KLF12: variants seen among roughly 807,000 people sequenced by gnomAD.
The protein encoded by KLF12 is Krueppel-like factor 12.
Under a neutral mutation model 37.8 loss-of-function variants are expected in KLF12, and 9 were observed. That is an observed-to-expected ratio of 0.24 (90% confidence interval 0.14 to 0.42). KLF12 has a LOEUF of 0.42. KLF12 is among the 10% of genes least tolerant of loss of function. The pLI, the probability that KLF12 is intolerant of heterozygous loss-of-function variation, is 1.00. For missense variants in KLF12, 411 were observed against 516.0 expected, an observed-to-expected ratio of 0.80 and a Z score of 1.97; for synonymous variants, 208 against 202.1, an observed-to-expected ratio of 1.03 and a Z score of -0.25.
the KLF12 span, among the ~76,000 whole-genome samples, chr13:74,247,046 G>A: frequency 6.6e-6 from 1 of 152,116 alleles, no homozygotes; most frequent in Non-Finnish European, 1.5e-5. Context: ...CTGTGAAAAC[G>A]ATCTTATTGT....
intron 3 of KLF12, among the ~76,000 whole-genome samples, chr13:73,934,951 T>TTATA (rs1442578157): frequency 2.7e-4 from 2 of 7,296 alleles, no homozygotes; most frequent in African/African-American, 4.8e-4. Flanking sequence ...TAGGTTTTTA[T>TTATA]TATTTATTTA....
chr13:74,228,011 C>A, the KLF12 span, among the ~76,000 whole-genome samples: 1 of 152,046 alleles, frequency 6.6e-6, no homozygotes, highest in Non-Finnish European at 1.5e-5. Flanking sequence ...ACTTGAAATG[C>A]CTTTTTCTTG....
At chr13:74,267,744 A>G in the KLF12 span, among the ~76,000 whole-genome samples, 1 of 152,234 alleles carries the variant, frequency 6.6e-6, no homozygotes, top group Non-Finnish European at 1.5e-5. Flanking sequence ...GATGTGCTCA[A>G]TATGAAGAAA....
chr13:73,847,677 C>G (rs769422413), intron 3 of KLF12, among the ~76,000 whole-genome samples: 3 of 152,016 alleles, frequency 2.0e-5, no homozygotes, highest in Non-Finnish European at 4.4e-5. Flanking sequence ...AACATGGTTA[C>G]TTACCTATAA....
chr13:74,165,612 G>A, the KLF12 span, among the ~76,000 whole-genome samples: 1 of 152,078 alleles, frequency 6.6e-6, no homozygotes, highest in East Asian at 1.9e-4. Flanking sequence ...TATTTTCATA[G>A]TTGCACTTGT....
At chr13:73,749,737 C>T (rs1220678634) in intron 6 of KLF12, among the ~76,000 whole-genome samples, 1 of 152,098 alleles carries the variant, frequency 6.6e-6, no homozygotes, top group Non-Finnish European at 1.5e-5. Context: ...GAATCCCAAT[C>T]TTTTATAATA....
At chr13:73,872,281 T>C (rs1407493830) in intron 3 of KLF12, among the ~76,000 whole-genome samples, 1 of 152,204 alleles carries the variant, frequency 6.6e-6, no homozygotes, top group African/African-American at 2.4e-5. Flanking sequence ...GGTAAGCTGA[T>C]TTAGGGACCA....
At chr13:73,858,462 G>A (rs981836714) in intron 3 of KLF12, among the ~76,000 whole-genome samples, 4 of 152,108 alleles carry the variant, frequency 2.6e-5, no homozygotes, top group African/African-American at 7.2e-5. Flanking sequence ...GTGTTCCCTG[G>A]GAATCCCAAA....
At chr13:73,964,548 T>A (rs960380661) in intron 2 of KLF12, among the ~76,000 whole-genome samples, 3 of 148,376 alleles carry the variant, frequency 2.0e-5, no homozygotes, top group Admixed American at 6.7e-5. Flanking sequence ...GGCGGGTGGA[T>A]CACGAGGTCA....
At chr13:73,797,538 G>C (rs893621198) in intron 5 of KLF12, among the ~76,000 whole-genome samples, 1 of 152,180 alleles carries the variant, frequency 6.6e-6, no homozygotes, top group Non-Finnish European at 1.5e-5. Flanking sequence ...GGGAGGCTGA[G>C]ACAGGAGAAT....
intron 6 of KLF12, 39 bp downstream of exon 6, chr13:73,764,899 G>T: frequency 2.5e-6 from 3 of 1,195,654 alleles, no homozygotes; most frequent in Non-Finnish European, 3.7e-6. Flanking sequence ...AAAGTTTCCC[G>T]TAAGACCTAC....
At chr13:74,103,239 C>T (rs954119730) in intron 1 of KLF12, among the ~76,000 whole-genome samples, 5 of 152,168 alleles carry the variant, frequency 3.3e-5, no homozygotes, top group Admixed American at 6.5e-5. Flanking sequence ...AACTGTAGGA[C>T]ACTTTACAAT....
intron 1 of KLF12, among the ~76,000 whole-genome samples, chr13:74,044,192 T>A (rs753615831): frequency 6.6e-6 from 1 of 152,056 alleles, no homozygotes; most frequent in East Asian, 1.9e-4. Flanking sequence ...AGACCCCTAC[T>A]CCACACACTG....
At chr13:74,083,284 A>T (rs1875028023) in intron 1 of KLF12, among the ~76,000 whole-genome samples, 1 of 152,190 alleles carries the variant, frequency 6.6e-6, no homozygotes, top group Non-Finnish European at 1.5e-5. Flanking sequence ...ACACCAAGGC[A>T]GGCGGATCAC....
At chr13:74,252,157 A>G in the KLF12 span, among the ~76,000 whole-genome samples, 36 of 152,290 alleles carry the variant, frequency 2.4e-4, no homozygotes, top group East Asian at 2.3e-3. Context: ...GTTATCCCTT[A>G]GTTGTTAAGA....
At chr13:73,920,811 G>A (rs1314130471) in intron 3 of KLF12, among the ~76,000 whole-genome samples, 1 of 152,062 alleles carries the variant, frequency 6.6e-6, no homozygotes, top group Non-Finnish European at 1.5e-5. Context: ...TTGACTTGCT[G>A]AGTATTTTGA....
At chr13:74,041,254 T>G (rs1893394921) in intron 1 of KLF12, among the ~76,000 whole-genome samples, 1 of 152,232 alleles carries the variant, frequency 6.6e-6, no homozygotes, top group African/African-American at 2.4e-5. Flanking sequence ...CTACCATCTC[T>G]GAATCCCCAC....
At chr13:73,834,210 C>T (rs928476251) in intron 4 of KLF12, among the ~76,000 whole-genome samples, 2 of 152,130 alleles carry the variant, frequency 1.3e-5, no homozygotes, top group Non-Finnish European at 2.9e-5. Context: ...TATATAAGCA[C>T]CACAGTTCTC....
chr13:73,766,376 C>T lies in KLF12; in HGVS notation c.807-1376G>A, dbSNP rs569466817. Among the ~76,000 whole-genome samples, 5 of 152,200 alleles carry T rather than the reference C, an allele frequency of 3.3e-5. No homozygotes were observed. In the East Asian group the frequency reaches 7.7e-4, roughly 24 times the overall value. On this transcript the variant is annotated intron_variant, in intron 5 of 7. Coordinates refer to ENST00000377669, the MANE Select transcript of KLF12 (RefSeq NM_007249.5). ...TGAAAGCCAGTTCATAATCCAGTAT[C>T]CTAAATTGGACAAAGAGGGGGAAAA...
Sources: allele counts gnomAD v4.1 joint callset (sites outside exome capture counted in the v4.1 genomes callset), GRCh38; gene constraint gnomAD v4.1.1; transcripts MANE v1.5; gene names NCBI Gene and HGNC (gene_info 2026-07-23, HGNC 2026-07-21).